The following VAMP7 variants were observed in gnomAD, a reference collection of about 807,000 sequenced individuals.
VAMP7 encodes vesicle-associated membrane protein 7.
Under a neutral mutation model 29.6 loss-of-function variants are expected in VAMP7, and 14 were observed. The ratio of observed to expected loss-of-function variants is 0.47; its 90% CI spans 0.31 to 0.74. The LOEUF is 0.74. Ranked by LOEUF, VAMP7 falls within the 30% of genes least tolerant of loss-of-function variation. VAMP7 has a pLI of 0.05. For synonymous variants in VAMP7, 95 were observed against 88.1 expected, an observed-to-expected ratio of 1.08 and a Z score of -0.44; for missense variants, 223 against 262.4, an observed-to-expected ratio of 0.85 and a Z score of 1.04.
Position 155,942,130 on chromosome X carries a change from A to G in VAMP7, c.*179A>G. 3.9e-6 allele frequency: 6 copies of G among 1,551,694 alleles called. No individual in the cohort carries two copies. Among genetic ancestry groups the G allele is most frequent in the Non-Finnish European group, 5.2e-6 (6 of 1,146,866 alleles). The stretch of plus-strand genomic sequence containing the variant: ...TTATCTTTGTCTTATCTACCAGTTT[A>G]TTCCTGTGAACTTCAGATTGAACCA... On this transcript the variant is annotated 3_prime_UTR_variant, in exon 8 of 8. Coordinates refer to ENST00000286448, the MANE Select transcript of VAMP7 (RefSeq NM_005638.6).
At chrX:155,924,300 A>C (rs918200764) in intron 6 of VAMP7, among the ~76,000 whole-genome samples, 1 of 152,138 alleles carries the variant, frequency 6.6e-6, no homozygotes, top group East Asian at 1.9e-4. Flanking sequence ...GTATAGCATA[A>C]AATTTTGCCA....
chrX:155,890,394 T>C (rs1227958539), intron 2 of VAMP7, among the ~76,000 whole-genome samples: 1 of 152,130 alleles, frequency 6.6e-6, no homozygotes, highest in Non-Finnish European at 1.5e-5. Context: ...AGAGTCTCAC[T>C]CTGTCACCCA....
At chrX:155,889,737 C>T in intron 2 of VAMP7, 125 bp downstream of exon 2, 1 of 1,049,638 alleles carries the variant, frequency 9.5e-7, no homozygotes, top group Non-Finnish European at 1.3e-6. Context: ...AGAATAGTAA[C>T]CTTCACCAAC....
At chrX:155,913,068 T>G (rs2066260734) in intron 5 of VAMP7, among the ~76,000 whole-genome samples, 1 of 152,214 alleles carries the variant, frequency 6.6e-6, no homozygotes, top group African/African-American at 2.4e-5. Context: ...GTCGCCATTC[T>G]TACTGGTGTG....
At chrX:155,917,149 G>A (rs968295470) in intron 5 of VAMP7, among the ~76,000 whole-genome samples, 1 of 151,880 alleles carries the variant, frequency 6.6e-6, no homozygotes, top group African/African-American at 2.4e-5. Flanking sequence ...TGATCAGTTC[G>A]GCTATTGATA....
chrX:155,892,741 GTAT>G lies in VAMP7; in HGVS notation c.147-2856_147-2854del, dbSNP rs34905684. On this transcript the variant is annotated intron_variant, in intron 2 of 7. Coordinates refer to ENST00000286448, the MANE Select transcript of VAMP7 (RefSeq NM_005638.6). ...TTCATATTGTAACACTTTTCACACT[GTAT>G]TATTATTATTATTATTATTATTATT... Among the ~76,000 whole-genome samples the G allele has an allele frequency of 4.2e-3, 616 of 145,916 alleles. 4 individuals carry two copies. Among genetic ancestry groups the G allele is most frequent in the African/African-American group, 0.014 (567 of 39,596 alleles).
At chrX:155,896,023 C>A (rs1463468470) in intron 3 of VAMP7, among the ~76,000 whole-genome samples, 1 of 152,192 alleles carries the variant, frequency 6.6e-6, no homozygotes, top group Non-Finnish European at 1.5e-5. Flanking sequence ...CACCCTCCCC[C>A]AGTCCTTGGA....
At chrX:155,886,588 T>G (rs1228037220) in intron 1 of VAMP7, among the ~76,000 whole-genome samples, 2 of 152,166 alleles carry the variant, frequency 1.3e-5, no homozygotes, top group Non-Finnish European at 2.9e-5. Context: ...GTCCTCTCTT[T>G]CTCATGTTAC....
chrX:155,916,796 C>T (rs1190194347), intron 5 of VAMP7, among the ~76,000 whole-genome samples: 1 of 152,074 alleles, frequency 6.6e-6, no homozygotes, highest in Admixed American at 6.6e-5. Context: ...ACATTTTTTC[C>T]TGCATTTCAT....
rs531998416 is a variant in VAMP7, at chrX:155,927,481, C to CAAA, written c.501+7626_501+7628dup. The stretch of plus-strand genomic sequence containing the variant: ...GGGTTTCCACAGACCTTCGATTTGC[C>CAAA]AAAAAAAAAAAAAAAAAAAAAAAAA... On this transcript the variant is annotated intron_variant, in intron 6 of 7. Coordinates refer to ENST00000286448, the MANE Select transcript of VAMP7 (RefSeq NM_005638.6). Among the ~76,000 whole-genome samples the CAAA allele has an allele frequency of 2.6e-3, 287 of 111,550 alleles. 7 individuals carry two copies. Among genetic ancestry groups the CAAA allele is most frequent in the African/African-American group, 9.0e-3 (276 of 30,580 alleles). 73.2% of individuals were successfully genotyped at this position (111,550 alleles called of 152,430 possible). A position where few individuals can be genotyped will look rare whatever the true frequency, so the allele number is the denominator to read the frequency against.
chrX:155,942,003 G>A lies in VAMP7; in HGVS notation c.*52G>A. 1.9e-6 allele frequency: 3 copies of A among 1,613,514 alleles called. No homozygotes were observed. Among genetic ancestry groups the A allele is most frequent in the Non-Finnish European group, 2.5e-6 (3 of 1,179,718 alleles). On this transcript the variant is annotated 3_prime_UTR_variant, in exon 8 of 8. Coordinates refer to ENST00000286448, the MANE Select transcript of VAMP7 (RefSeq NM_005638.6). The stretch of plus-strand genomic sequence containing the variant: ...GATATGAGAGAACAAGGAGTTAAAA[G>A]CAATCCATGTGACTCAAGCCTTTCA...
chrX:155,904,031 A>T (rs1232613415), intron 5 of VAMP7, among the ~76,000 whole-genome samples: 1 of 152,038 alleles, frequency 6.6e-6, no homozygotes, highest in Non-Finnish European at 1.5e-5. Flanking sequence ...AGCCATAAAA[A>T]ATGATGAGTT....
At chrX:155,897,244 T>C (rs1471920256) in intron 3 of VAMP7, among the ~76,000 whole-genome samples, 1 of 152,110 alleles carries the variant, frequency 6.6e-6, no homozygotes, top group African/African-American at 2.4e-5. Context: ...TGTGATTTTC[T>C]TTTTTTCTAT....
Position 155,895,697 on chromosome X carries a change from C to T in VAMP7, c.204+17C>T. On this transcript the variant is annotated intron_variant, in intron 3 of 7. Coordinates refer to ENST00000286448, the MANE Select transcript of VAMP7 (RefSeq NM_005638.6). ...ACTGATGATGTAAGTAACTTGAAGACATATTGCTATTTAACTATGTGTACT... is the reference window on the plus strand; with the variant it reads ...ACTGATGATGTAAGTAACTTGAAGATATATTGCTATTTAACTATGTGTACT... 2 of 1,602,840 alleles carry T rather than the reference C, an allele frequency of 1.2e-6. No homozygotes were observed. Among genetic ancestry groups the T allele is most frequent in the Non-Finnish European group, 8.5e-7 (1 of 1,170,198 alleles).
chrX:155,912,000 T>A, intron 5 of VAMP7, among the ~76,000 whole-genome samples: 1 of 152,132 alleles, frequency 6.6e-6, no homozygotes, highest in East Asian at 1.9e-4. Flanking sequence ...TTGTGTTGAA[T>A]AGGAGTAGTG....
intron 6 of VAMP7, among the ~76,000 whole-genome samples, chrX:155,922,388 C>T (rs1306783821): frequency 6.6e-6 from 1 of 151,720 alleles, no homozygotes; most frequent in Non-Finnish European, 1.5e-5. Context: ...TTGTAGGTAC[C>T]CTTTAATAGG....
At chrX:155,932,550 G>T (rs1413502970) in intron 6 of VAMP7, among the ~76,000 whole-genome samples, 6 of 152,052 alleles carry the variant, frequency 3.9e-5, no homozygotes, top group Admixed American at 2.0e-4. Flanking sequence ...ATTTTTGCAC[G>T]TTGATTTCGT....
chrX:155,915,069 C>T (rs1272496406), intron 5 of VAMP7, among the ~76,000 whole-genome samples: 1 of 152,096 alleles, frequency 6.6e-6, no homozygotes, highest in Admixed American at 6.6e-5. Flanking sequence ...AGGGATTTGA[C>T]TTCTTCCTGG....
At chrX:155,913,356 T>C (rs2066265551) in intron 5 of VAMP7, among the ~76,000 whole-genome samples, 1 of 152,326 alleles carries the variant, frequency 6.6e-6, no homozygotes, top group Non-Finnish European at 1.5e-5. Context: ...TCTTTTGCTG[T>C]GCAGAAGCTC....
Sources: gnomAD v4.1 joint callset for allele counts (sites outside exome capture counted in the v4.1 genomes callset) on GRCh38, gnomAD v4.1.1 for gene constraint, MANE v1.5 for transcripts, NCBI Gene and HGNC (gene_info 2026-07-23, HGNC 2026-07-21) for gene names.